LRP1B: variants seen among roughly 807,000 people sequenced by gnomAD.
The protein encoded by LRP1B is LDL receptor related protein 1B, also known as low-density lipoprotein receptor-related protein 1B.
Under a neutral mutation model 556.6 loss-of-function variants are expected in LRP1B, and 217 were observed. That is an observed-to-expected ratio of 0.39 (90% CI 0.35 to 0.44). LRP1B has a LOEUF of 0.44. Among genes scored for constraint, LRP1B ranks in the 20% least tolerant of loss-of-function variants. The pLI is 1.00. For synonymous variants in LRP1B, 2,047 were observed against 1,865.8 expected, an observed-to-expected ratio of 1.10 and a Z score of -2.50; for missense variants, 5,053 against 5,620.8, an observed-to-expected ratio of 0.90 and a Z score of 3.23.
At chr2:140,555,242 A>G (rs1319628927) in intron 43 of LRP1B, among the ~76,000 whole-genome samples, 1 of 151,570 alleles carries the variant, frequency 6.6e-6, no homozygotes, top group Non-Finnish European at 1.5e-5. Context: ...AAAAACAAAT[A>G]TTACTTTAGA....
chr2:141,679,374 G>A (rs951211970), intron 2 of LRP1B, among the ~76,000 whole-genome samples: 2 of 152,100 alleles, frequency 1.3e-5, no homozygotes, highest in Non-Finnish European at 2.9e-5. Context: ...GGGAAAATTT[G>A]TTATGCCGTA....
At chr2:141,202,249 TTTTG>T (rs1351163566) in intron 6 of LRP1B, among the ~76,000 whole-genome samples, 9 of 150,406 alleles carry the variant, frequency 6.0e-5, no homozygotes, top group Non-Finnish European at 3.0e-5. Context: ...TGGTTTTTTG[TTTTG>T]TTTTTGTGGC....
At chr2:141,288,995 T>C (rs1184975618) in intron 3 of LRP1B, among the ~76,000 whole-genome samples, 1 of 152,226 alleles carries the variant, frequency 6.6e-6, no homozygotes, top group Non-Finnish European at 1.5e-5. Flanking sequence ...ATTAAATGGC[T>C]ACTTTTTTCT....
chr2:140,888,404 A>C (rs1693702678), intron 23 of LRP1B, among the ~76,000 whole-genome samples: 1 of 151,974 alleles, frequency 6.6e-6, no homozygotes, highest in South Asian at 2.1e-4. Context: ...GATAAAATAC[A>C]ACAAAAGATA....
At chr2:140,976,144 T>C (rs2105335650) in intron 18 of LRP1B, among the ~76,000 whole-genome samples, 1 of 152,152 alleles carries the variant, frequency 6.6e-6, no homozygotes, top group South Asian at 2.1e-4. Context: ...GGTCTGGAAC[T>C]TCTGGGCTCA....
In LRP1B at chr2:140,770,039, C is replaced by T. The variant is rs185942191; in HGVS notation, c.5627-695G>A. On this transcript the variant is annotated intron_variant, in intron 34 of 90. Coordinates refer to ENST00000389484, the MANE Select transcript of LRP1B (RefSeq NM_018557.3). The stretch of plus-strand genomic sequence containing the variant: ...TATTAGAAAATATTTATATTTTTTT[C>T]TTATTAAAACTAGAATGCCTAGAAT... 7.4e-3 allele frequency among the ~76,000 whole-genome samples: 1,124 copies of T among 151,824 alleles called. 5 individuals carry two copies. The highest frequency in any genetic ancestry group is 0.011 in the Non-Finnish European group (771 of 67,832).
At position 142,106,210 on chromosome 2, in the gene LRP1B, G is replaced by A. The variant is rs545551735; in HGVS notation, c.82+24438C>T. The stretch of plus-strand genomic sequence containing the variant: ...CAGTTAAATTTTCCTGCCATCTATA[G>A]AAGCAAGTTAAGGAAACAAGAATTA... On this transcript the variant is annotated intron_variant, in intron 1 of 90. Transcript: ENST00000389484. Among the ~76,000 whole-genome samples the A allele has an allele frequency of 7.2e-5, 11 of 152,166 alleles. No homozygotes were observed. In the South Asian group the frequency reaches 2.3e-3, roughly 32 times the overall value.
chr2:140,650,537 CG>C (rs1684646634), intron 41 of LRP1B, among the ~76,000 whole-genome samples: 1 of 151,784 alleles, frequency 6.6e-6, no homozygotes, highest in South Asian at 2.1e-4. Context: ...TTAGAAGAGA[CG>C]GTGTTTCACC....
chr2:140,903,113 A>C lies in LRP1B; in HGVS notation c.3573T>G (p.Pro1191=). The C allele has an allele frequency of 6.2e-7, 1 of 1,613,550 alleles. No individual in the cohort carries two copies. The highest frequency in any genetic ancestry group is 8.5e-7 in the Non-Finnish European group (1 of 1,179,674). ...GGCAGGAACAGACAATTCCTCTTCC[A>C]GGAACAACAGAACAGTGGTTGCTAC... ...GGCSNHCSVV[P]GRGIVCSCPE... Residue 1191 remains proline (P), a synonymous_variant, in exon 23 of 91, where the codon CCT becomes CCG. Transcript: ENST00000389484.
intron 6 of LRP1B, among the ~76,000 whole-genome samples, chr2:141,204,528 C>T (rs1348622972): frequency 6.6e-6 from 1 of 152,096 alleles, no homozygotes; most frequent in Non-Finnish European, 1.5e-5. Flanking sequence ...GAGAGATTTA[C>T]CCCATAGCAC....
intron 41 of LRP1B, among the ~76,000 whole-genome samples, chr2:140,656,094 T>C (rs921730542): frequency 6.6e-6 from 1 of 152,246 alleles, no homozygotes; most frequent in Admixed American, 6.5e-5. Context: ...AGTCCATCTA[T>C]GTCAGACCAC....
intron 1 of LRP1B, among the ~76,000 whole-genome samples, chr2:141,898,888 C>T (rs560116747): frequency 1.1e-4 from 17 of 152,256 alleles, no homozygotes; most frequent in African/African-American, 3.8e-4. Flanking sequence ...GCAACCCTGT[C>T]ATTCTAAAAT....
intron 2 of LRP1B, among the ~76,000 whole-genome samples, chr2:141,600,775 C>A (rs1368919975): frequency 6.6e-6 from 1 of 152,096 alleles, no homozygotes; most frequent in East Asian, 1.9e-4. Flanking sequence ...ACTCTGTCCA[C>A]CCCTGTTTTG....
chr2:141,517,271 CAG>C (rs1559116803), intron 2 of LRP1B, among the ~76,000 whole-genome samples: 34 of 151,050 alleles, frequency 2.3e-4, no homozygotes, highest in African/African-American at 7.8e-4. Context: ...CGCACACACA[CAG>C]ACACACACAC....
At chr2:141,433,372 T>A (rs910963351) in intron 3 of LRP1B, among the ~76,000 whole-genome samples, 3 of 152,078 alleles carry the variant, frequency 2.0e-5, no homozygotes, top group Non-Finnish European at 2.9e-5. Flanking sequence ...ATTCTGCTAC[T>A]GTTGGTTGAA....
intron 7 of LRP1B, among the ~76,000 whole-genome samples, chr2:141,153,712 A>G (rs897918763): frequency 1.3e-5 from 2 of 149,232 alleles, no homozygotes; most frequent in Non-Finnish European, 3.0e-5. Flanking sequence ...AAATGAGTAA[A>G]ATCTTGAACA....
intron 7 of LRP1B, among the ~76,000 whole-genome samples, chr2:141,073,320 G>C (rs988236147): frequency 6.6e-6 from 1 of 151,936 alleles, no homozygotes; most frequent in African/African-American, 2.4e-5. Flanking sequence ...CCTCTCTGTG[G>C]CATCAGGCCA....
At chr2:141,972,349 G>T (rs540362171) in intron 1 of LRP1B, among the ~76,000 whole-genome samples, 1 of 151,318 alleles carries the variant, frequency 6.6e-6, no homozygotes, top group African/African-American at 2.4e-5. Context: ...ATATTGTTTA[G>T]TGAGTAATTC....
chr2:141,017,561 T>A (rs1697940687), intron 12 of LRP1B, among the ~76,000 whole-genome samples: 2 of 151,890 alleles, frequency 1.3e-5, no homozygotes, highest in South Asian at 2.1e-4. Flanking sequence ...GTTCGCCAAC[T>A]GATCCAGCAC....
Sources: allele counts gnomAD v4.1 joint callset (sites outside exome capture counted in the v4.1 genomes callset), GRCh38; gene constraint gnomAD v4.1.1; transcripts MANE v1.5; gene names NCBI Gene and HGNC (gene_info 2026-07-23, HGNC 2026-07-21).